ZNF532: variants seen among roughly 807,000 people sequenced by gnomAD.
The protein encoded by ZNF532 is zinc finger protein 532.
In ZNF532, 22 loss-of-function variants were observed where a neutral mutation model predicts 89.3. That is an observed-to-expected ratio of 0.25 (90% confidence interval 0.18 to 0.35). The LOEUF (loss-of-function observed/expected upper bound fraction) is 0.35. Ranked by LOEUF, ZNF532 falls within the 10% of genes least tolerant of loss-of-function variation. The pLI, the probability that ZNF532 is intolerant of heterozygous loss-of-function variation, is 1.00. For missense variants in ZNF532, 1,132 were observed against 1,643.4 expected (o/e 0.69, Z 5.38); for synonymous variants, 606 against 649.6 (o/e 0.93, Z 1.02).
intron 5 of ZNF532, among the ~76,000 whole-genome samples, chr18:58,941,761 ATTTTC>A (rs1167477673): frequency 4.6e-5 from 7 of 150,752 alleles, no homozygotes; most frequent in African/African-American, 7.3e-5. Context: ...CAGCCCCAGT[ATTTTC>A]TTTTCTTTTC....
At chr18:58,895,768 T>G (rs2059204869) in intron 2 of ZNF532, among the ~76,000 whole-genome samples, 1 of 152,210 alleles carries the variant, frequency 6.6e-6, no homozygotes, top group South Asian at 2.1e-4. Context: ...TGCTGGTATT[T>G]ATCAGCCCAT....
chr18:58,878,724 G>A (rs1030100147), intron 2 of ZNF532, among the ~76,000 whole-genome samples: 3 of 152,242 alleles, frequency 2.0e-5, no homozygotes, highest in South Asian at 2.1e-4. Context: ...TTTAGAGTTT[G>A]CATGATTTGT....
intron 5 of ZNF532, among the ~76,000 whole-genome samples, chr18:58,945,788 C>T (rs1414288819): frequency 2.0e-5 from 3 of 151,544 alleles, no homozygotes; most frequent in Admixed American, 6.6e-5. Flanking sequence ...AGTGCAGCAG[C>T]GTGGTCTCAG....
intron 2 of ZNF532, among the ~76,000 whole-genome samples, chr18:58,917,517 A>G (rs1603062384): frequency 6.6e-6 from 1 of 152,148 alleles, no homozygotes; most frequent in African/African-American, 2.4e-5. Context: ...GGTCGGGGGA[A>G]GAGCCCCTTT....
At chr18:58,904,116 C>T (rs911303648) in intron 2 of ZNF532, among the ~76,000 whole-genome samples, 1 of 152,042 alleles carries the variant, frequency 6.6e-6, no homozygotes, top group Non-Finnish European at 1.5e-5. Flanking sequence ...TTTGGGAGGC[C>T]GAGGCAGGCG....
At chr18:58,888,729 T>TTATATATATATAAA (rs1568245116) in intron 2 of ZNF532, among the ~76,000 whole-genome samples, 1 of 4,458 alleles carries the variant, frequency 2.2e-4, no homozygotes, top group Admixed American at 4.0e-3. Context: ...ATATATAAAT[T>TTATATATATATAAA]ATATATATAT....
chr18:58,889,660 C>T (rs1380501519), intron 2 of ZNF532, among the ~76,000 whole-genome samples: 1 of 151,798 alleles, frequency 6.6e-6, no homozygotes, highest in African/African-American at 2.4e-5. Flanking sequence ...ATTATCCCAG[C>T]TACTCGGGAG....
upstream of ZNF532, chr18:58,863,559 C>G (rs2056155451): frequency 3.0e-4 from 1 of 3,318 alleles, no homozygotes; most frequent in South Asian, 0.013. Flanking sequence ...ACCGCACACG[C>G]ACACACAGAC....
At chr18:58,972,904 C>T (rs1399722450) in intron 7 of ZNF532, among the ~76,000 whole-genome samples, 5 of 152,124 alleles carry the variant, frequency 3.3e-5, no homozygotes, top group Admixed American at 3.3e-4. Flanking sequence ...TTTATTTATT[C>T]ATTCCCACAG....
intron 2 of ZNF532, among the ~76,000 whole-genome samples, chr18:58,893,955 T>C (rs930646183): frequency 6.6e-6 from 1 of 152,170 alleles, no homozygotes; most frequent in African/African-American, 2.4e-5. Flanking sequence ...CTGTATTTAC[T>C]GTCTGTGGTA....
intron 7 of ZNF532, among the ~76,000 whole-genome samples, chr18:58,975,772 GCTT>G (rs950596349): frequency 6.6e-6 from 1 of 152,168 alleles, no homozygotes; most frequent in African/African-American, 2.4e-5. Context: ...AACCCTGCCA[GCTT>G]ATTAGTTCAC....
chr18:58,922,108 CAA>C (rs757599435), intron 3 of ZNF532, among the ~76,000 whole-genome samples: 2 of 136,800 alleles, frequency 1.5e-5, no homozygotes. Context: ...ACCCTGTCTC[CAA>C]AAAAAAAAAG....
rs777238281 is a variant in ZNF532, at chr18:58,948,153, A to G, written c.2792A>G (p.Gln931Arg). Residue 931 changes from glutamine to arginine, a missense_variant, in exon 6 of 10, where the codon CAG (glutamine) becomes CGG (arginine). Around this residue, in one of 9 missense-constraint regions of ZNF532, gnomAD observed 415 missense variants for 604.8 expected, o/e 0.69. Coordinates refer to ENST00000591808, the MANE Select transcript of ZNF532 (RefSeq NM_001375912.1). ...YRHFDQHIEN[Q>R]KVSVFKCPDC... ...CACTTTGACCAACACATTGAAAACC[A>G]GAAGGTGTCTGTTTTCAAGTGTCCA... 3.1e-6 allele frequency: 5 copies of G among 1,613,950 alleles called. No homozygotes were observed. The highest frequency in any genetic ancestry group is 3.3e-5 in the Admixed American group (2 of 60,004).
At chr18:58,926,754 T>G (rs1159047238) in intron 3 of ZNF532, among the ~76,000 whole-genome samples, 1 of 152,216 alleles carries the variant, frequency 6.6e-6, no homozygotes, top group Non-Finnish European at 1.5e-5. Context: ...TCACTAATAA[T>G]TTTTATATAT....
chr18:58,913,479 A>G (rs1157417291), intron 2 of ZNF532, among the ~76,000 whole-genome samples: 1 of 152,106 alleles, frequency 6.6e-6, no homozygotes, highest in Non-Finnish European at 1.5e-5. Context: ...GGCCAGGCAC[A>G]GTGGCTCACA....
At chr18:58,898,633 C>T (rs541095200) in intron 2 of ZNF532, among the ~76,000 whole-genome samples, 12 of 152,334 alleles carry the variant, frequency 7.9e-5, no homozygotes, top group Non-Finnish European at 1.2e-4. Flanking sequence ...CCGCTGATCC[C>T]AGGTGTAGTC....
intron 7 of ZNF532, among the ~76,000 whole-genome samples, chr18:58,955,906 TGTG>T (rs1470647583): frequency 6.6e-6 from 1 of 152,182 alleles, no homozygotes; most frequent in Non-Finnish European, 1.5e-5. Context: ...CAGAGTCTGA[TGTG>T]GTGGTTCTAG....
chr18:58,942,085 C>G (rs531922189), intron 5 of ZNF532, among the ~76,000 whole-genome samples: 31 of 149,158 alleles, frequency 2.1e-4, no homozygotes, highest in Middle Eastern at 3.4e-3. Flanking sequence ...TGCAGTGGCA[C>G]GATCTCAGCT....
chr18:58,953,256 G>T, intron 6 of ZNF532: 1 of 320,190 alleles, frequency 3.1e-6, no homozygotes, highest in Non-Finnish European at 5.7e-6. Flanking sequence ...TCAATACAGA[G>T]GTCTTTCTTT....
Sources: gnomAD v4.1 joint callset for allele counts (sites outside exome capture counted in the v4.1 genomes callset) on GRCh38, gnomAD v4.1.1 for gene constraint, gnomAD v4.1.1 regional missense constraint, MANE v1.5 for transcripts, NCBI Gene and HGNC (gene_info 2026-07-23, HGNC 2026-07-21) for gene names.